The following TLN2 variants were observed in gnomAD, a reference collection of about 807,000 sequenced individuals.
The protein encoded by TLN2 is talin-2.
In TLN2, 118 loss-of-function variants were observed where a neutral mutation model predicts 294.7. That is an observed-to-expected ratio of 0.40 (90% CI 0.34 to 0.47). The LOEUF is 0.47. Ranked by LOEUF, TLN2 falls within the 20% of genes least tolerant of loss-of-function variation. The pLI is 0.84. For synonymous variants in TLN2, 1,431 were observed against 1,304.5 expected (o/e 1.10, Z -2.09); for missense variants, 3,083 against 3,282.2 (o/e 0.94, Z 1.48).
At chr15:62,644,438 T>G (rs2051571927) in intron 3 of TLN2, 1 of 454,438 alleles carries the variant, frequency 2.2e-6, no homozygotes, top group Non-Finnish European at 4.4e-6. Context: ...TTCTAGCCCC[T>G]CCCACCCAGT....
At chr15:62,541,888 T>C (rs2140524227) in intron 1 of TLN2, among the ~76,000 whole-genome samples, 1 of 152,050 alleles carries the variant, frequency 6.6e-6, no homozygotes, top group Non-Finnish European at 1.5e-5. Flanking sequence ...TGTCAGCCTT[T>C]TTATGTATTT....
In TLN2 at chr15:62,842,045, G is replaced by A. The variant is rs1477664622; in HGVS notation, c.*1435G>A. On this transcript the variant is annotated 3_prime_UTR_variant, in exon 59 of 59. Coordinates refer to ENST00000636159, the MANE Select transcript of TLN2 (RefSeq NM_015059.3). ...ACTATAGTTTCAAAGTTCCACTGAC[G>A]GGGGAAAGTTGGTGCTTTGGTCCTC... The A allele has an allele frequency of 2.0e-5, 3 of 151,956 alleles. No homozygotes were observed. Among genetic ancestry groups the A allele is most frequent in the Admixed American group, 6.6e-5 (1 of 15,258 alleles). 9.4% of individuals were successfully genotyped at this position (151,956 alleles called of 1,614,324 possible). A position where few individuals can be genotyped will look rare whatever the true frequency, so the allele number is the denominator to read the frequency against.
intron 54 of TLN2, chr15:62,828,397 A>AGTT (rs1224640744): frequency 2.0e-5 from 3 of 152,296 alleles, no homozygotes; most frequent in Non-Finnish European, 4.4e-5. Context: ...TCAAAGGAGA[A>AGTT]GTTAATTCAG....
intron 5 of TLN2, among the ~76,000 whole-genome samples, chr15:62,651,626 C>T (rs986191517): frequency 6.6e-6 from 1 of 152,082 alleles, no homozygotes; most frequent in African/African-American, 2.4e-5. Context: ...GGAAGAAATG[C>T]AGGTATGTTG....
intron 12 of TLN2, chr15:62,688,063 G>A (rs1264572069): frequency 6.6e-6 from 1 of 152,134 alleles, no homozygotes; most frequent in Non-Finnish European, 1.5e-5. Flanking sequence ...GTAGGACAGG[G>A]AACAACTGTG....
chr15:62,816,118 C>A (rs905469053), intron 52 of TLN2, among the ~76,000 whole-genome samples: 3 of 152,202 alleles, frequency 2.0e-5, no homozygotes, highest in Non-Finnish European at 4.4e-5. Context: ...AAATGGAAAA[C>A]CCCCGCCTGG....
At chr15:62,421,763 G>A (rs779869973) in intron 1 of TLN2, among the ~76,000 whole-genome samples, 1 of 152,042 alleles carries the variant, frequency 6.6e-6, no homozygotes, top group South Asian at 2.1e-4. Flanking sequence ...GCAAACCCCC[G>A]TGACACAAGT....
intron 12 of TLN2, 80 bp from the exon 13 acceptor site, chr15:62,692,757 ATTG>A: frequency 9.9e-7 from 1 of 1,013,698 alleles, no homozygotes; most frequent in Admixed American, 2.1e-5. Flanking sequence ...TCTATGTCAT[ATTG>A]TTCTAGAGCT....
chr15:62,626,239 C>G (rs148084374), intron 3 of TLN2, among the ~76,000 whole-genome samples: 1 of 152,142 alleles, frequency 6.6e-6, no homozygotes, highest in South Asian at 2.1e-4. Flanking sequence ...CTTGTATTTT[C>G]TGGAGTTGTG....
intron 57 of TLN2, among the ~76,000 whole-genome samples, chr15:62,837,138 AATCTCAGAATTCTTGTTG>A (rs1217920236): frequency 9.9e-5 from 15 of 152,216 alleles, no homozygotes; most frequent in Non-Finnish European, 1.5e-4. Context: ...AAATGGCAGA[AATCTCAGAATTCTTGTTG>A]TATTGTGAAA....
At chr15:62,553,542 A>G (rs1368180460) in intron 1 of TLN2, among the ~76,000 whole-genome samples, 4 of 152,200 alleles carry the variant, frequency 2.6e-5, no homozygotes, top group African/African-American at 7.2e-5. Context: ...TTCAAATTAC[A>G]CAGATATATT....
intron 1 of TLN2, among the ~76,000 whole-genome samples, chr15:62,485,266 C>T (rs2038326419): frequency 6.6e-6 from 1 of 152,194 alleles, no homozygotes; most frequent in Non-Finnish European, 1.5e-5. Flanking sequence ...ATAACACATT[C>T]ACAGGTTCTG....
intron 1 of TLN2, among the ~76,000 whole-genome samples, chr15:62,445,963 T>G (rs1438403703): frequency 2.0e-5 from 3 of 152,080 alleles, no homozygotes; most frequent in African/African-American, 7.2e-5. Context: ...TTTCTTGATA[T>G]TCTTGATACT....
intron 2 of TLN2, among the ~76,000 whole-genome samples, chr15:62,590,653 A>G (rs2046004390): frequency 6.6e-6 from 1 of 152,188 alleles, no homozygotes; most frequent in Non-Finnish European, 1.5e-5. Flanking sequence ...CTAGCATGAG[A>G]TAAAGTAAAC....
At chr15:62,667,546 G>T (rs1310667999) in intron 9 of TLN2, among the ~76,000 whole-genome samples, 1 of 152,132 alleles carries the variant, frequency 6.6e-6, no homozygotes, top group Non-Finnish European at 1.5e-5. Flanking sequence ...TCTCACAAAT[G>T]AGGCGACATC....
intron 2 of TLN2, among the ~76,000 whole-genome samples, chr15:62,614,650 T>C (rs1211788667): frequency 2.0e-5 from 3 of 152,334 alleles, no homozygotes; most frequent in East Asian, 3.9e-4. Flanking sequence ...AAAATAATTG[T>C]AATTTTTATT....
chr15:62,836,980 A>G (rs1034463395), intron 57 of TLN2, among the ~76,000 whole-genome samples: 1 of 146,024 alleles, frequency 6.8e-6, no homozygotes, highest in Non-Finnish European at 1.5e-5. Context: ...TAATGATTGC[A>G]TGATATTACA....
chr15:62,727,281 C>T (rs965347000), intron 28 of TLN2, 92 bp downstream of exon 28: 44 of 1,163,028 alleles, frequency 3.8e-5, no homozygotes, highest in Admixed American at 1.6e-4. Flanking sequence ...TGACAATACA[C>T]GTGACATTTT....
At chr15:62,742,680 G>A (rs528372643) in intron 32 of TLN2, among the ~76,000 whole-genome samples, 5 of 152,318 alleles carry the variant, frequency 3.3e-5, no homozygotes, top group South Asian at 4.1e-4. Context: ...AGCAGTTGAC[G>A]GAGAATTCCC....
Sources: allele counts gnomAD v4.1 joint callset (sites outside exome capture counted in the v4.1 genomes callset), GRCh38; gene constraint gnomAD v4.1.1; transcripts MANE v1.5; gene names NCBI Gene and HGNC (gene_info 2026-07-23, HGNC 2026-07-21).